Variants in NOD2 observed in about 807,000 individuals in gnomAD.
NOD2 encodes the protein nucleotide binding oligomerization domain containing 2, also known as nucleotide-binding oligomerization domain-containing protein 2.
Under a neutral mutation model 90.9 loss-of-function variants are expected in NOD2, and 86 were observed. The ratio of observed to expected loss-of-function variants is 0.95; its 90% CI spans 0.79 to 1.13. The LOEUF (loss-of-function observed/expected upper bound fraction) is 1.13. Among genes scored for constraint, NOD2 ranks in the 50% most tolerant of loss-of-function variants. The pLI is 0.00. For synonymous variants in NOD2, 581 were observed against 554.6 expected (o/e 1.05, Z -0.67); for missense variants, 1,238 against 1,283.8 (o/e 0.96, Z 0.55).
chr16:50,699,704 C>T lies in NOD2; in HGVS notation c.209C>T (p.Thr70Ile). Residue 70 changes from threonine to isoleucine, a missense_variant, in exon 2 of 12, where the codon ACT becomes ATT. Physicochemically the swap from Thr to Ile is moderately conservative, Grantham distance 89. Around this residue, in one of 3 missense-constraint regions of NOD2, gnomAD observed 567 missense variants for 577.3 expected, o/e 0.98. Transcript: ENST00000647318. Reference sequence around the variant, plus strand: ...CTGGACACCGTCTGGAATAAGGGTACTTGGGCCTGTCAGAAGCTCATCGCG... The same window carrying T: ...CTGGACACCGTCTGGAATAAGGGTATTTGGGCCTGTCAGAAGCTCATCGCG... ...RLLDTVWNKG[T>I]WACQKLIAAA... 1 of 1,614,192 alleles carries T rather than the reference C, an allele frequency of 6.2e-7. No individual in the cohort carries two copies. Among genetic ancestry groups the T allele is most frequent in the South Asian group, 1.1e-5 (1 of 91,080 alleles).
At chr16:50,728,114 C>T (rs536175721) in intron 10 of NOD2, 7 of 212,870 alleles carry the variant, frequency 3.3e-5, no homozygotes, top group African/African-American at 1.4e-4. Context: ...ACACACTTAT[C>T]GAGGTTTTTC....
chr16:50,716,426 G>A (rs576621003), intron 4 of NOD2, among the ~76,000 whole-genome samples, 161 bp from the exon 5 acceptor site: 86 of 152,294 alleles, frequency 5.6e-4, no homozygotes, highest in African/African-American at 1.9e-3. Context: ...GCCAGGGACC[G>A]TGGGGTCTCC....
chr16:50,702,268 A>C (rs1019002598), intron 2 of NOD2, among the ~76,000 whole-genome samples: 6 of 152,234 alleles, frequency 3.9e-5, no homozygotes, highest in Non-Finnish European at 8.8e-5. Flanking sequence ...AATTCATCTT[A>C]AGAAAGGGCT....
chr16:50,708,419 G>C (rs1382803939), intron 3 of NOD2, among the ~76,000 whole-genome samples: 1 of 152,210 alleles, frequency 6.6e-6, no homozygotes, highest in Non-Finnish European at 1.5e-5. Flanking sequence ...CTCAGGAACA[G>C]GAGGGGCTTG....
intron 1 of NOD2, chr16:50,697,239 C>A (rs911202467): frequency 6.4e-7 from 1 of 1,554,850 alleles, no homozygotes; most frequent in African/African-American, 1.4e-5. Context: ...GCCTAATGGG[C>A]TTTGATGGGG....
chr16:50,709,123 G>A (rs1964340798), intron 3 of NOD2, among the ~76,000 whole-genome samples: 1 of 152,152 alleles, frequency 6.6e-6, no homozygotes, highest in African/African-American at 2.4e-5. Context: ...GGTCGGAAGA[G>A]GAAGATATAT....
rs748277158 is a variant in NOD2 at position 50,729,858 on chromosome 16, C to T, written c.2926C>T (p.Leu976Phe). Residue 976 changes from leucine (L) to phenylalanine (F), a missense_variant, in exon 11 of 12, where the codon CTC becomes TTC. Leu to Phe is a conservative substitution (Grantham distance 22). Coordinates refer to ENST00000647318, the MANE Select transcript of NOD2 (RefSeq NM_001370466.1). ...NCITYLGAEA[L>F]LQALERNDTI... ...CATCACCTACCTAGGGGCAGAAGCC[C>T]TCCTGCAGGCCCTTGAAAGGAATGA... The T allele has an allele frequency of 6.2e-7, 1 of 1,613,180 alleles. No homozygotes were observed. The highest frequency in any genetic ancestry group is 1.7e-5 in the Admixed American group (1 of 59,980).
rs59171756 is a variant in NOD2 at position 50,723,139 on chromosome 16, G to GAA, written c.2718-148_2718-147dup. 1.4e-3 allele frequency among the ~76,000 whole-genome samples: 146 copies of GAA among 107,830 alleles called. 1 individual carries two copies. Among genetic ancestry groups the GAA allele is most frequent in the Admixed American group, 2.7e-3 (28 of 10,508 alleles). The allele number at this position is 107,830 out of a possible 152,430, so 70.7% of individuals were successfully genotyped here. On this transcript the variant is annotated intron_variant, in intron 8 of 11. Transcript: ENST00000647318. ...CAATTAGTGATGTCTAAAAAGGGTA[G>GAA]AAAAAAAAAAAAAAAGAAAAAAGAA... is the stretch of plus-strand genomic sequence containing the variant.
intron 2 of NOD2, 75 bp from the exon 3 acceptor site, chr16:50,707,780 G>A: frequency 1.0e-6 from 1 of 967,376 alleles, no homozygotes; most frequent in South Asian, 1.3e-5. Flanking sequence ...TTATGAAGTT[G>A]CAGTAATCAG....
intron 1 of NOD2, among the ~76,000 whole-genome samples, chr16:50,694,579 G>A (rs1963557372): frequency 6.6e-6 from 1 of 152,172 alleles, no homozygotes; most frequent in Non-Finnish European, 1.5e-5. Flanking sequence ...TGTGACACAT[G>A]CCCAGTGGTG....
In NOD2 at chr16:50,719,979, C is replaced by T. The variant is rs1278585029; in HGVS notation, c.2604C>T (p.Leu868=). 6.2e-7 allele frequency: 1 copy of T among 1,614,212 alleles called. No individual in the cohort carries two copies. The highest frequency in any genetic ancestry group is 1.1e-5 in the South Asian group (1 of 91,084). The change falls in exon 7 of 12, where the codon CTC becomes CTT. Residue 868 remains leucine, a synonymous_variant. Coordinates refer to ENST00000647318, the MANE Select transcript of NOD2 (RefSeq NM_001370466.1). ...GAGCCCAAGTGCTGGCCGAGGGGCTCCGAGGCAACACCTCCTTGCAGTTCC... is the reference window on the plus strand; with the variant it reads ...GAGCCCAAGTGCTGGCCGAGGGGCTTCGAGGCAACACCTCCTTGCAGTTCC... ...AAGAQVLAEG[L]RGNTSLQFLG... is the part of the protein sequence containing the mutation.
In NOD2 at chr16:50,711,284, A is replaced by C. The variant is rs2077652529; in HGVS notation, c.1292A>C (p.Lys431Thr). ...CAGGGCATCGAGCTGTACCTGAGGAAGCGCCATCATGAGCCCGGGGTGGCG... is the reference window on the plus strand; with the variant it reads ...CAGGGCATCGAGCTGTACCTGAGGACGCGCCATCATGAGCCCGGGGTGGCG... ...SEQGIELYLR[K>T]RHHEPGVADR... is the part of the protein sequence containing the mutation. Residue 431 changes from lysine (K) to threonine (T), a missense_variant, in exon 4 of 12, where the codon AAG becomes ACG. This residue lies in a region of NOD2 where 567 missense variants were observed against 577.3 expected (regional missense o/e 0.98). Transcript: ENST00000647318. 6.2e-7 allele frequency: 1 copy of C among 1,613,780 alleles called. No homozygotes were observed. Among genetic ancestry groups the C allele is most frequent in the Admixed American group, 1.7e-5 (1 of 60,036 alleles).
intron 6 of NOD2, among the ~76,000 whole-genome samples, chr16:50,718,198 C>T (rs112082457): frequency 0.024 from 3,580 of 152,242 alleles, 49 homozygotes; most frequent in Middle Eastern, 0.044. Context: ...AGGTGGATGA[C>T]GCATGCAGCA....
At chr16:50,695,910 A>AG (rs1354636242) in intron 1 of NOD2, among the ~76,000 whole-genome samples, 1 of 152,190 alleles carries the variant, frequency 6.6e-6, no homozygotes, top group Non-Finnish European at 1.5e-5. Context: ...GCAACAGACA[A>AG]GGGGGCCTGC....
intron 3 of NOD2, chr16:50,710,036 C>G: frequency 4.4e-6 from 2 of 456,050 alleles, no homozygotes. Context: ...GCTTCAGAGA[C>G]TGGGCTCCTG....
In NOD2 at chr16:50,709,862, T is replaced by C. The variant is rs1253037046; in HGVS notation, c.566-696T>C. On this transcript the variant is annotated intron_variant, in intron 3 of 11. Transcript: ENST00000647318. ...CACCATTTTTTGAGAGTTTGCCATG[T>C]CAGATATTCTTTTAAACTGTATTTT... The C allele has an allele frequency of 6.9e-6, 3 of 433,918 alleles. No homozygotes were observed. In the Admixed American group the frequency reaches 7.6e-5, roughly 11 times the overall value. The allele number at this position is 433,918 out of a possible 1,614,324, so 26.9% of individuals were successfully genotyped here.
At chr16:50,729,223 A>T in intron 10 of NOD2, 1 of 159,052 alleles carries the variant, frequency 6.3e-6, no homozygotes, top group Non-Finnish European at 1.4e-5. Flanking sequence ...AATTCAAGAG[A>T]TTTGGGTGGG....
intron 2 of NOD2, 121 bp downstream of exon 2, chr16:50,700,075 A>C: frequency 1.1e-6 from 1 of 890,522 alleles, no homozygotes; most frequent in Non-Finnish European, 1.8e-6. Flanking sequence ...TTCCCCTAAA[A>C]AGGTAGCCAG....
intron 1 of NOD2, among the ~76,000 whole-genome samples, chr16:50,695,594 T>C (rs939806772): frequency 1.3e-5 from 2 of 152,086 alleles, no homozygotes; most frequent in African/African-American, 2.4e-5. Context: ...GGTGGGCTCA[T>C]CTAGGGATGG....
Sources: allele counts gnomAD v4.1 joint callset (sites outside exome capture counted in the v4.1 genomes callset), GRCh38; gene constraint gnomAD v4.1.1; regional missense constraint gnomAD v4.1.1; transcripts MANE v1.5; gene names NCBI Gene and HGNC (gene_info 2026-07-23, HGNC 2026-07-21).